Variants in MAGI1 observed in about 807,000 individuals in gnomAD.
The protein encoded by MAGI1 is membrane associated guanylate kinase, WW and PDZ domain containing 1.
In MAGI1, 58 loss-of-function variants were observed where a neutral mutation model predicts 139.9. The ratio of observed to expected loss-of-function variants is 0.41; its 90% CI spans 0.34 to 0.52. MAGI1 has a LOEUF of 0.52. Ranked by LOEUF, MAGI1 falls within the 20% of genes least tolerant of loss-of-function variation. The pLI is 0.12. For missense variants in MAGI1, 1,874 were observed against 1,901.6 expected (o/e 0.99, Z 0.27); for synonymous variants, 812 against 737.9 (o/e 1.10, Z -1.63).
intron 1 of MAGI1, among the ~76,000 whole-genome samples, chr3:65,815,721 T>G (rs1239377311): frequency 6.6e-6 from 1 of 152,174 alleles, no homozygotes; most frequent in African/African-American, 2.4e-5. Context: ...ATATTTTTAT[T>G]AAGGGCTTAT....
chr3:65,524,042 A>C (rs1464248989), intron 2 of MAGI1, among the ~76,000 whole-genome samples: 2 of 152,222 alleles, frequency 1.3e-5, no homozygotes, highest in Non-Finnish European at 2.9e-5. Flanking sequence ...GAAAGCAGAA[A>C]GGGAAGGAAA....
chr3:65,894,862 A>G (rs2060908354), intron 1 of MAGI1, among the ~76,000 whole-genome samples: 1 of 152,186 alleles, frequency 6.6e-6, no homozygotes, highest in African/African-American at 2.4e-5. Flanking sequence ...ACACATCTTT[A>G]TTGCCGGCTG....
chr3:65,910,937 A>C (rs1265649229), intron 1 of MAGI1, among the ~76,000 whole-genome samples: 1 of 126,266 alleles, frequency 7.9e-6, no homozygotes, highest in Non-Finnish European at 1.6e-5. Context: ...GGCTCAATGC[A>C]ACCTCTGCCT....
chr3:65,753,055 T>C (rs954049874), intron 1 of MAGI1, among the ~76,000 whole-genome samples: 4 of 152,146 alleles, frequency 2.6e-5, no homozygotes, highest in African/African-American at 9.7e-5. Context: ...AGTGTCAGAA[T>C]GATTTTTTTC....
intron 10 of MAGI1, among the ~76,000 whole-genome samples, chr3:65,436,179 TG>T (rs1947836768): frequency 6.6e-6 from 1 of 152,146 alleles, no homozygotes; most frequent in Admixed American, 6.5e-5. Flanking sequence ...TTCTTTCTTA[TG>T]AAAATTATAA....
Position 65,862,427 on chromosome 3 carries a change from T to C in MAGI1, c.313+175569A>G, listed in dbSNP as rs188387101. ...GCCCTCTTCCCTTTCTGTCTCTGTG[T>C]TTCTCTCCTCTAGATCATTCTCAAC... On this transcript the variant is annotated intron_variant, in intron 1 of 22. Transcript: ENST00000402939. Among the ~76,000 whole-genome samples the C allele has an allele frequency of 7.0e-4, 106 of 152,310 alleles. 1 individual carries two copies. In the East Asian group the frequency reaches 0.018, roughly 26 times the overall value.
At chr3:65,705,012 G>A (rs1469646155) in intron 1 of MAGI1, among the ~76,000 whole-genome samples, 1 of 151,914 alleles carries the variant, frequency 6.6e-6, no homozygotes, top group East Asian at 1.9e-4. Context: ...AATTTCTAGA[G>A]ACCTTTGCTG....
chr3:65,824,270 C>T (rs1222990160), intron 1 of MAGI1, among the ~76,000 whole-genome samples: 2 of 152,148 alleles, frequency 1.3e-5, no homozygotes, highest in Non-Finnish European at 2.9e-5. Context: ...TCTTGGAGGA[C>T]GGATGTAAAT....
At chr3:65,656,015 G>A (rs2107345705) in intron 1 of MAGI1, among the ~76,000 whole-genome samples, 1 of 152,268 alleles carries the variant, frequency 6.6e-6, no homozygotes, top group East Asian at 1.9e-4. Context: ...TCTTGTGTCA[G>A]ACATTAGTGC....
chr3:65,981,455 T>G (rs545833091), intron 1 of MAGI1, among the ~76,000 whole-genome samples: 1 of 152,320 alleles, frequency 6.6e-6, no homozygotes, highest in African/African-American at 2.4e-5. Flanking sequence ...TGCCTGACAT[T>G]GAACAAACAA....
intron 1 of MAGI1, among the ~76,000 whole-genome samples, chr3:65,883,331 G>A (rs1318279864): frequency 2.0e-5 from 3 of 152,132 alleles, no homozygotes; most frequent in African/African-American, 7.2e-5. Context: ...CTCCACAGAA[G>A]TTGTACTAGC....
intron 1 of MAGI1, among the ~76,000 whole-genome samples, chr3:65,623,090 C>T (rs1471773403): frequency 6.6e-6 from 1 of 152,154 alleles, no homozygotes; most frequent in Non-Finnish European, 1.5e-5. Flanking sequence ...TACGAGGAAT[C>T]ATATGAAAGT....
chr3:65,900,772 G>A (rs576335480), intron 1 of MAGI1, among the ~76,000 whole-genome samples: 5 of 152,262 alleles, frequency 3.3e-5, no homozygotes, highest in East Asian at 1.9e-4. Flanking sequence ...ACGCCATTAC[G>A]CTGGCCACAG....
intron 1 of MAGI1, among the ~76,000 whole-genome samples, chr3:65,839,118 T>C (rs1294155722): frequency 6.6e-6 from 1 of 152,216 alleles, no homozygotes; most frequent in African/African-American, 2.4e-5. Context: ...ATGCACTGCA[T>C]AACATTTCAG....
At chr3:65,993,272 A>C (rs1429994628) in intron 1 of MAGI1, among the ~76,000 whole-genome samples, 5 of 152,200 alleles carry the variant, frequency 3.3e-5, no homozygotes, top group Admixed American at 6.5e-5. Context: ...TTTTACCAGC[A>C]ACCCATCTGA....
intron 2 of MAGI1, among the ~76,000 whole-genome samples, chr3:65,537,117 C>A (rs916135237): frequency 3.3e-5 from 5 of 152,172 alleles, no homozygotes; most frequent in Non-Finnish European, 5.9e-5. Flanking sequence ...CCTACGCTGT[C>A]TAACCTCCTC....
intron 2 of MAGI1, among the ~76,000 whole-genome samples, chr3:65,526,592 A>G (rs957280399): frequency 6.6e-6 from 1 of 152,194 alleles, no homozygotes; most frequent in Non-Finnish European, 1.5e-5. Flanking sequence ...TTAATAACAC[A>G]TTGGACATAC....
chr3:65,607,417 A>G (rs763072076), intron 2 of MAGI1, among the ~76,000 whole-genome samples: 1 of 152,094 alleles, frequency 6.6e-6, no homozygotes, highest in Non-Finnish European at 1.5e-5. Flanking sequence ...CACCTTCAAC[A>G]TCATCCTCAC....
intron 1 of MAGI1, among the ~76,000 whole-genome samples, chr3:65,724,650 A>G (rs530820307): frequency 1.3e-3 from 191 of 152,298 alleles, no homozygotes; most frequent in African/African-American, 4.4e-3. Flanking sequence ...CTAAGGGCAT[A>G]CCTGAGACTG....
Sources: gnomAD v4.1 joint callset for allele counts (sites outside exome capture counted in the v4.1 genomes callset) on GRCh38, gnomAD v4.1.1 for gene constraint, MANE v1.5 for transcripts, NCBI Gene and HGNC (gene_info 2026-07-23, HGNC 2026-07-21) for gene names.